Variants in FLNB observed in about 807,000 individuals in gnomAD.
The protein encoded by FLNB is filamin B.
In FLNB, 111 loss-of-function variants were observed where a neutral mutation model predicts 250.6. That is an observed-to-expected ratio of 0.44 (90% CI 0.38 to 0.52). The LOEUF is 0.52. Among genes scored for constraint, FLNB ranks in the 20% least tolerant of loss-of-function variants. The probability of loss-of-function intolerance (pLI) is 0.00; values close to 1 mark genes in which losing one functional copy is unlikely to be tolerated. For synonymous variants in FLNB, 1,302 were observed against 1,372.1 expected (o/e 0.95, Z 1.13); for missense variants, 2,869 against 3,447.8 (o/e 0.83, Z 4.20).
intron 1 of FLNB, among the ~76,000 whole-genome samples, chr3:58,026,494 A>G (rs1465382557): frequency 6.6e-6 from 1 of 152,050 alleles, no homozygotes; most frequent in Non-Finnish European, 1.5e-5. Flanking sequence ...GTGCTTGGAA[A>G]CTGGACTTCT....
Position 58,057,641 on chromosome 3 carries a change from T to C in FLNB, c.293-19405T>C, listed in dbSNP as rs772158563. 3.2e-4 allele frequency among the ~76,000 whole-genome samples: 49 copies of C among 152,174 alleles called. 1 individual carries two copies. Among genetic ancestry groups the C allele is most frequent in the Admixed American group, 3.3e-4 (5 of 15,276 alleles). On this transcript the variant is annotated intron_variant, in intron 1 of 45. Coordinates refer to ENST00000295956, the MANE Select transcript of FLNB (RefSeq NM_001457.4). ...AGAGAGTAGTCTAGGATGAATCCAA[T>C]TGGGTTTTTATGAGTAGTTTGGTAG...
At chr3:58,093,335 C>G (rs1379431493) in intron 4 of FLNB, among the ~76,000 whole-genome samples, 1 of 152,116 alleles carries the variant, frequency 6.6e-6, no homozygotes, top group East Asian at 1.9e-4. Flanking sequence ...TCTCTAAACT[C>G]CATACTTCAG....
At chr3:58,156,673 T>C (rs1371896509) in intron 41 of FLNB, among the ~76,000 whole-genome samples, 1 of 152,174 alleles carries the variant, frequency 6.6e-6, no homozygotes, top group East Asian at 1.9e-4. Flanking sequence ...AGGCACAGTG[T>C]GGCTCCAGAA....
intron 1 of FLNB, among the ~76,000 whole-genome samples, chr3:58,064,565 A>G (rs944721715): frequency 2.0e-5 from 3 of 152,138 alleles, no homozygotes; most frequent in Non-Finnish European, 1.5e-5. Context: ...TGGAAAACAC[A>G]CAGGCTGATA....
chr3:58,034,339 T>C (rs2097135066), intron 1 of FLNB, among the ~76,000 whole-genome samples: 1 of 152,134 alleles, frequency 6.6e-6, no homozygotes, highest in Non-Finnish European at 1.5e-5. Flanking sequence ...CCACGAGCAG[T>C]GTTTGAGAGC....
rs141676024 is a variant in FLNB at position 58,056,877 on chromosome 3, C to T, written c.293-20169C>T. On this transcript the variant is annotated intron_variant, in intron 1 of 45. Transcript: ENST00000295956. Reference sequence around the variant, plus strand: ...GTGCTGGGATTACAGGCGTGAGCCACCACGCCCTGTGACTAACTCAGTTAT... The same window carrying T: ...GTGCTGGGATTACAGGCGTGAGCCATCACGCCCTGTGACTAACTCAGTTAT... Among the ~76,000 whole-genome samples the T allele has an allele frequency of 6.3e-3, 957 of 152,316 alleles. 4 individuals are homozygous for T. The highest frequency in any genetic ancestry group is 0.014 in the Middle Eastern group (4 of 294).
intron 29 of FLNB, 50 bp from the exon 30 acceptor site, chr3:58,141,808 T>C (rs780288757): frequency 6.7e-7 from 1 of 1,498,738 alleles, no homozygotes; most frequent in East Asian, 2.3e-5. Flanking sequence ...GTCTACTGAG[T>C]GTATCCTTCC....
intron 36 of FLNB, 173 bp from the exon 37 acceptor site, chr3:58,149,677 G>A: frequency 4.2e-6 from 3 of 717,424 alleles, no homozygotes; most frequent in Admixed American, 2.4e-5. Flanking sequence ...GGCTTCTCAG[G>A]ACGCTTAACC....
chr3:58,076,916 C>T (rs2097202532), intron 1 of FLNB, 130 bp from the exon 2 acceptor site: 5 of 1,113,330 alleles, frequency 4.5e-6, no homozygotes, highest in Admixed American at 1.8e-5. Flanking sequence ...TTCAGCATTA[C>T]ATCATTTCAC....
Position 58,078,762 on chromosome 3 carries a change from A to C in FLNB, c.587A>C (p.Asp196Ala). 6.2e-7 allele frequency: 1 copy of C among 1,614,010 alleles called. No homozygotes were observed. Among genetic ancestry groups the C allele is most frequent in the Non-Finnish European group, 8.5e-7 (1 of 1,179,976 alleles). ...TCCTGGGACCCGCAGAAGCCTGTGGATAATGCACGAGAAGCCATGCAGCAG... is the reference window on the plus strand; with the variant it reads ...TCCTGGGACCCGCAGAAGCCTGTGGCTAATGCACGAGAAGCCATGCAGCAG... ...WESWDPQKPV[D>A]NAREAMQQAD... The change falls in exon 3 of 46, where the codon GAT (aspartate) becomes GCT (alanine). Residue 196 changes from aspartate to alanine, a missense_variant. Asp to Ala is a moderately radical substitution (Grantham distance 126). Coordinates refer to ENST00000295956, the MANE Select transcript of FLNB (RefSeq NM_001457.4).
At chr3:58,099,925 A>C (rs1190211389) in intron 8 of FLNB, among the ~76,000 whole-genome samples, 2 of 152,156 alleles carry the variant, frequency 1.3e-5, no homozygotes, top group African/African-American at 4.8e-5. Context: ...ATGGTGAAGG[A>C]GCTGGTGGTG....
At chr3:58,100,385 T>TA in intron 8 of FLNB, among the ~76,000 whole-genome samples, 1 of 128,100 alleles carries the variant, frequency 7.8e-6, no homozygotes, top group Non-Finnish European at 1.6e-5. Flanking sequence ...TATATATATA[T>TA]TTGCAGGGGC....
chr3:58,039,498 G>C (rs2097143020), intron 1 of FLNB, among the ~76,000 whole-genome samples: 1 of 152,122 alleles, frequency 6.6e-6, no homozygotes, highest in South Asian at 2.1e-4. Context: ...TAGTCTGACT[G>C]GGGGGATCTA....
At chr3:58,153,792 G>C in intron 39 of FLNB, 151 bp downstream of exon 39, 1 of 947,938 alleles carries the variant, frequency 1.1e-6, no homozygotes, top group South Asian at 1.5e-5. Flanking sequence ...TCATGACTAA[G>C]TCTGGCACAG....
chr3:58,066,209 CTTTTTTTCTTTTTTT>C (rs970081306), intron 1 of FLNB, among the ~76,000 whole-genome samples: 2 of 144,262 alleles, frequency 1.4e-5, no homozygotes, highest in Non-Finnish European at 1.5e-5. Context: ...TTTCTTTTTT[CTTTTTTTCTTTTTTT>C]TTTTTTTGAG....
chr3:58,155,908 T>A (rs2097352603), intron 40 of FLNB, 52 bp from the exon 41 acceptor site: 1 of 1,259,236 alleles, frequency 7.9e-7, no homozygotes, highest in South Asian at 1.2e-5. Flanking sequence ...GAAGCAAGAG[T>A]CCACTCTGGG....
intron 1 of FLNB, among the ~76,000 whole-genome samples, chr3:58,034,164 T>TG (rs1263103556): frequency 6.6e-6 from 1 of 152,170 alleles, no homozygotes; most frequent in Non-Finnish European, 1.5e-5. Context: ...CCTGGCCGGG[T>TG]GGTTTCTAAA....
chr3:58,118,471 G>C (rs182767771), intron 18 of FLNB, among the ~76,000 whole-genome samples: 3 of 152,106 alleles, frequency 2.0e-5, no homozygotes, highest in Non-Finnish European at 4.4e-5. Context: ...GGCCCAGCTC[G>C]CACCCTTACC....
chr3:58,062,455 C>G (rs1306747382), intron 1 of FLNB, among the ~76,000 whole-genome samples: 3 of 152,224 alleles, frequency 2.0e-5, no homozygotes, highest in African/African-American at 7.2e-5. Context: ...CTCCCTCCCC[C>G]CACCAGTTGT....
Sources: allele counts gnomAD v4.1 joint callset (sites outside exome capture counted in the v4.1 genomes callset), GRCh38; gene constraint gnomAD v4.1.1; transcripts MANE v1.5; gene names NCBI Gene and HGNC (gene_info 2026-07-23, HGNC 2026-07-21).